Variants in ERGIC2 observed in about 807,000 individuals in gnomAD.
The protein encoded by ERGIC2 is endoplasmic reticulum-Golgi intermediate compartment protein 2.
Under a neutral mutation model 52.5 loss-of-function variants are expected in ERGIC2, and 31 were observed. The observed-to-expected ratio is 0.59, with a 90% confidence interval of 0.44 to 0.80. The LOEUF (loss-of-function observed/expected upper bound fraction) is 0.80. ERGIC2 is among the 30% of genes least tolerant of loss of function. The pLI is 0.00. For missense variants in ERGIC2, 395 were observed against 455.2 expected (o/e 0.87, Z 1.20); for synonymous variants, 129 against 140.6 (o/e 0.92, Z 0.58).
rs540467167 is a variant in ERGIC2 at position 29,345,282 on chromosome 12, T to C, written c.825+161A>G. Among the ~76,000 whole-genome samples, 6 of 152,356 alleles carry C rather than the reference T, an allele frequency of 3.9e-5. No homozygotes were observed. The East Asian group carries it at 9.6e-4, about 24-fold the overall frequency. On this transcript the variant is annotated intron_variant, in intron 11 of 13. Coordinates refer to ENST00000360150, the MANE Select transcript of ERGIC2 (RefSeq NM_016570.3). ...ATACTAATATTCATTTCTGACATAT[T>C]TCTGATTTAAAATAAAATGTTAATT...
intron 5 of ERGIC2, among the ~76,000 whole-genome samples, chr12:29,364,422 G>A (rs908436246): frequency 2.0e-5 from 3 of 152,048 alleles, no homozygotes; most frequent in Non-Finnish European, 4.4e-5. Context: ...GAATGAAACT[G>A]GGCCCAGATC....
chr12:29,358,245 A>T (rs1390183056), intron 6 of ERGIC2, among the ~76,000 whole-genome samples: 1 of 152,208 alleles, frequency 6.6e-6, no homozygotes, highest in East Asian at 1.9e-4. Flanking sequence ...TAACTCCTAC[A>T]ATTTTCAGCA....
At chr12:29,354,393 T>C (rs1386950712) in intron 8 of ERGIC2, among the ~76,000 whole-genome samples, 1 of 152,234 alleles carries the variant, frequency 6.6e-6, no homozygotes, top group Non-Finnish European at 1.5e-5. Flanking sequence ...CAGTCTGCAT[T>C]TGTAGCAATT....
intron 1 of ERGIC2, among the ~76,000 whole-genome samples, chr12:29,379,707 T>C (rs1940560329): frequency 6.6e-6 from 1 of 152,344 alleles, no homozygotes; most frequent in African/African-American, 2.4e-5. Context: ...TTATTTCATT[T>C]GGCCGATGAA....
At chr12:29,365,457 G>C (rs1940346911) in intron 5 of ERGIC2, among the ~76,000 whole-genome samples, 1 of 151,894 alleles carries the variant, frequency 6.6e-6, no homozygotes. Context: ...GACTATTAGA[G>C]AGGGGAGGGA....
At chr12:29,379,019 TG>T (rs773171915) in intron 1 of ERGIC2, among the ~76,000 whole-genome samples, 7 of 152,164 alleles carry the variant, frequency 4.6e-5, no homozygotes, top group Non-Finnish European at 8.8e-5. Context: ...TGGGAGAGTA[TG>T]TGAGGTTAGT....
chr12:29,349,989 GAA>G, intron 9 of ERGIC2, 22 bp downstream of exon 9: 2 of 1,523,060 alleles, frequency 1.3e-6, no homozygotes, highest in East Asian at 4.5e-5. Flanking sequence ...CATCTTTACT[GAA>G]AAAAAGTCAG....
At chr12:29,349,202 C>G in intron 9 of ERGIC2, 25 bp from the exon 10 acceptor site, 1 of 1,142,812 alleles carries the variant, frequency 8.8e-7, no homozygotes. Flanking sequence ...ATAAAAACAA[C>G]TTAGCAGAGA....
chr12:29,378,046 C>T (rs1213489576), intron 1 of ERGIC2, among the ~76,000 whole-genome samples: 2 of 152,146 alleles, frequency 1.3e-5, no homozygotes, highest in African/African-American at 2.4e-5. Flanking sequence ...AAGTCTCAAC[C>T]TCTGGTATCT....
intron 5 of ERGIC2, among the ~76,000 whole-genome samples, chr12:29,365,323 G>A (rs1049702190): frequency 3.9e-5 from 6 of 152,022 alleles, no homozygotes; most frequent in Admixed American, 3.9e-4. Flanking sequence ...AATGCAGCTG[G>A]AGGCAATAAT....
rs552311485 is a variant in ERGIC2, at chr12:29,370,264, T to C, written c.107-42A>G. 2.0e-6 allele frequency: 3 copies of C among 1,500,812 alleles called. No homozygotes were observed. In the African/African-American group the frequency reaches 4.4e-5, roughly 22 times the overall value. The allele number at this position is 1,500,812 out of a possible 1,614,324, so 93.0% of individuals were successfully genotyped here. On this transcript the variant is annotated intron_variant, in intron 2 of 13. Coordinates refer to ENST00000360150, the MANE Select transcript of ERGIC2 (RefSeq NM_016570.3). ...CAAAAGAAAAACAGAATTAAAACAA[T>C]AAAAAAAGCAAAGAATAGGAAACTA...
chr12:29,378,399 T>A (rs146513266), intron 1 of ERGIC2, among the ~76,000 whole-genome samples: 1 of 152,242 alleles, frequency 6.6e-6, no homozygotes, highest in Non-Finnish European at 1.5e-5. Context: ...CCTCCCAGCT[T>A]ATAGTAAGTT....
intron 8 of ERGIC2, among the ~76,000 whole-genome samples, chr12:29,352,977 A>G (rs1940153381): frequency 6.6e-6 from 1 of 152,224 alleles, no homozygotes; most frequent in African/African-American, 2.4e-5. Context: ...TAAAAAACTG[A>G]AAATAGAAAC....
intron 4 of ERGIC2, among the ~76,000 whole-genome samples, chr12:29,367,948 AC>A (rs1216643141): frequency 6.6e-6 from 1 of 151,866 alleles, no homozygotes; most frequent in Non-Finnish European, 1.5e-5. Context: ...AGTACTCCAA[AC>A]AAAAAAAGAC....
At chr12:29,343,016 C>T in intron 12 of ERGIC2, 104 bp downstream of exon 12, 2 of 934,966 alleles carry the variant, frequency 2.1e-6, no homozygotes, top group South Asian at 2.3e-5. Flanking sequence ...GCTATTTAAA[C>T]ACCGAAACAT....
At chr12:29,358,374 C>A (rs1940237636) in intron 6 of ERGIC2, among the ~76,000 whole-genome samples, 1 of 152,078 alleles carries the variant, frequency 6.6e-6, no homozygotes, top group Non-Finnish European at 1.5e-5. Context: ...AAATGTTATA[C>A]ACAGTGGGAA....
intron 1 of ERGIC2, 113 bp from the exon 2 acceptor site, chr12:29,371,783 C>T: frequency 5.3e-6 from 3 of 564,866 alleles, no homozygotes; most frequent in South Asian, 5.0e-5. Flanking sequence ...TTCTCATCCC[C>T]CCTTAAAAAT....
chr12:29,362,357 C>G (rs546691042), intron 5 of ERGIC2, among the ~76,000 whole-genome samples: 1 of 152,216 alleles, frequency 6.6e-6, no homozygotes, highest in Admixed American at 6.5e-5. Context: ...AGGCGGATTG[C>G]CTGAGCTCAG....
rs1591995804 is a variant in ERGIC2 at position 29,363,310 on chromosome 12, G to A, written c.334-1625C>T. On this transcript the variant is annotated intron_variant, in intron 5 of 13. Transcript: ENST00000360150. ...TTGTATGATCATGGCTTGTAAACTA[G>A]TAAAGTTATCAGGGCTAGGTTTTTA... Among the ~76,000 whole-genome samples, 4 of 151,954 alleles carry A rather than the reference G, an allele frequency of 2.6e-5. No individual in the cohort carries two copies. The South Asian group carries it at 8.3e-4, about 31-fold the overall frequency.
Sources: gnomAD v4.1 joint callset for allele counts (sites outside exome capture counted in the v4.1 genomes callset) on GRCh38, gnomAD v4.1.1 for gene constraint, MANE v1.5 for transcripts, NCBI Gene and HGNC (gene_info 2026-07-23, HGNC 2026-07-21) for gene names.